The following ABLIM1 variants were observed in gnomAD, a reference collection of about 807,000 sequenced individuals.
ABLIM1 encodes the protein actin binding LIM protein 1.
ABLIM1 carries 40 observed loss-of-function variants against 107.0 expected under a neutral mutation model. The observed-to-expected ratio is 0.37, with a 90% confidence interval of 0.29 to 0.49. ABLIM1 has a LOEUF of 0.49. ABLIM1 is among the 20% of genes least tolerant of loss of function. The pLI is 0.97. For synonymous variants in ABLIM1, 357 were observed against 357.3 expected, an observed-to-expected ratio of 1.00 and a Z score of 0.01; for missense variants, 857 against 1,008.5, an observed-to-expected ratio of 0.85 and a Z score of 2.04.
At chr10:114,779,980 C>G in the ABLIM1 span, 7 of 151,500 alleles carry the variant, frequency 4.6e-5, no homozygotes, top group African/African-American at 1.7e-4. Context: ...ATTGTTTCAT[C>G]ATTCACATAT....
chr10:114,492,151 T>C (rs1185419736), intron 6 of ABLIM1, among the ~76,000 whole-genome samples: 1 of 151,946 alleles, frequency 6.6e-6, no homozygotes, highest in Non-Finnish European at 1.5e-5. Flanking sequence ...TTGACCTGGA[T>C]GGCTGCCACT....
the ABLIM1 span, among the ~76,000 whole-genome samples, chr10:114,795,655 G>A: frequency 1.3e-5 from 2 of 151,352 alleles, no homozygotes; most frequent in Non-Finnish European, 2.9e-5. Flanking sequence ...GTTGCAGTGA[G>A]CTGAGATCAC....
the ABLIM1 span, among the ~76,000 whole-genome samples, chr10:114,798,786 T>C: frequency 6.6e-6 from 1 of 151,848 alleles, no homozygotes; most frequent in Non-Finnish European, 1.5e-5. Context: ...ACAGTATATA[T>C]GTATTTTTTT....
chr10:114,669,897 AC>A (rs1480650868), intron 1 of ABLIM1, among the ~76,000 whole-genome samples: 3 of 152,152 alleles, frequency 2.0e-5, no homozygotes, highest in Non-Finnish European at 4.4e-5. Context: ...TTTTAAACTC[AC>A]TTTGGCATAT....
chr10:114,690,059 A>C (rs1246117426), intron 1 of ABLIM1: 2 of 805,410 alleles, frequency 2.5e-6, no homozygotes, highest in Non-Finnish European at 4.0e-6. Flanking sequence ...AGATTCTAGG[A>C]TACTGCAAGC....
intron 8 of ABLIM1, among the ~76,000 whole-genome samples, chr10:114,478,484 G>T (rs1207661535): frequency 6.6e-6 from 1 of 152,156 alleles, no homozygotes. Flanking sequence ...TTGTGGGGGT[G>T]GTTTTCCCCA....
chr10:114,798,564 C>CCCG, the ABLIM1 span, among the ~76,000 whole-genome samples: 195 of 149,196 alleles, frequency 1.3e-3, 2 homozygotes, highest in South Asian at 5.8e-3. Context: ...AGACCCCCCC[C>CCCG]CCATGTCTAC....
At chr10:114,502,839 T>C (rs1167012996) in intron 6 of ABLIM1, among the ~76,000 whole-genome samples, 1 of 152,166 alleles carries the variant, frequency 6.6e-6, no homozygotes, top group Non-Finnish European at 1.5e-5. Flanking sequence ...TTTTCATAAA[T>C]GCAACATACT....
chr10:114,460,676 C>G (rs2063706098), intron 12 of ABLIM1, among the ~76,000 whole-genome samples: 1 of 152,214 alleles, frequency 6.6e-6, no homozygotes, highest in South Asian at 2.1e-4. Flanking sequence ...GACACTTCAC[C>G]TCGTGATGTA....
At chr10:114,710,208 A>G (rs568872344) in intron 1 of ABLIM1, among the ~76,000 whole-genome samples, 26 of 152,324 alleles carry the variant, frequency 1.7e-4, no homozygotes, top group African/African-American at 5.1e-4. Context: ...ATTGTATTAC[A>G]GTGCAATCTT....
intron 1 of ABLIM1, among the ~76,000 whole-genome samples, chr10:114,633,076 G>A (rs2078286143): frequency 6.6e-6 from 1 of 152,222 alleles, no homozygotes; most frequent in Non-Finnish European, 1.5e-5. Context: ...TGTGAGAAAT[G>A]GGATGAGCAA....
At chr10:114,699,175 C>T (rs1470997435) in intron 1 of ABLIM1, among the ~76,000 whole-genome samples, 1 of 147,084 alleles carries the variant, frequency 6.8e-6, no homozygotes, top group Non-Finnish European at 1.5e-5. Flanking sequence ...AAACCATAAT[C>T]TAAATATGAA....
At chr10:114,468,886 C>T (rs2065847591) in intron 10 of ABLIM1, among the ~76,000 whole-genome samples, 1 of 151,778 alleles carries the variant, frequency 6.6e-6, no homozygotes, top group Non-Finnish European at 1.5e-5. Context: ...CCCGTCTCTA[C>T]TAAAAACTAC....
chr10:114,676,078 G>A (rs1165718612), intron 1 of ABLIM1, among the ~76,000 whole-genome samples: 3 of 152,186 alleles, frequency 2.0e-5, no homozygotes, highest in African/African-American at 4.8e-5. Flanking sequence ...AGCGTCCTTT[G>A]TGAGGACACA....
At chr10:114,535,050 G>A (rs1005483711) in intron 6 of ABLIM1, among the ~76,000 whole-genome samples, 1 of 152,146 alleles carries the variant, frequency 6.6e-6, no homozygotes, top group African/African-American at 2.4e-5. Context: ...TGCCCTACTG[G>A]GTCAATTCCC....
At chr10:114,780,470 T>C in the ABLIM1 span, among the ~76,000 whole-genome samples, 1 of 152,236 alleles carries the variant, frequency 6.6e-6, no homozygotes, top group Non-Finnish European at 1.5e-5. Context: ...TTAGTCATTT[T>C]GAAGTTGCTT....
At chr10:114,469,082 A>T (rs1269307213) in intron 10 of ABLIM1, among the ~76,000 whole-genome samples, 1 of 150,360 alleles carries the variant, frequency 6.7e-6, no homozygotes, top group Non-Finnish European at 1.5e-5. Context: ...AAGAACCATG[A>T]CTAGATATGA....
At chr10:114,749,760 A>G (rs1324728063) in intron 1 of ABLIM1, among the ~76,000 whole-genome samples, 1 of 152,002 alleles carries the variant, frequency 6.6e-6, no homozygotes. Flanking sequence ...AAACACTCCA[A>G]GCACATTCCC....
intron 1 of ABLIM1, among the ~76,000 whole-genome samples, chr10:114,650,236 G>T (rs2079184613): frequency 6.6e-6 from 1 of 152,174 alleles, no homozygotes; most frequent in Non-Finnish European, 1.5e-5. Context: ...GATTTGCCAA[G>T]TTAACAGGAG....
Sources: allele counts gnomAD v4.1 joint callset (sites outside exome capture counted in the v4.1 genomes callset), GRCh38; gene constraint gnomAD v4.1.1; transcripts MANE v1.5; gene names NCBI Gene and HGNC (gene_info 2026-07-23, HGNC 2026-07-21).